RIMBP2: variants seen among roughly 807,000 people sequenced by gnomAD.
RIMBP2 encodes the protein RIMS binding protein 2.
In RIMBP2, 48 loss-of-function variants were observed where a neutral mutation model predicts 118.6. That is an observed-to-expected ratio of 0.40 (90% CI 0.32 to 0.51). RIMBP2 has a LOEUF of 0.51. Ranked by LOEUF, RIMBP2 falls within the 20% of genes least tolerant of loss-of-function variation. The pLI, the probability that RIMBP2 is intolerant of heterozygous loss-of-function variation, is 0.41. For missense variants in RIMBP2, 1,551 were observed against 1,768.3 expected, an observed-to-expected ratio of 0.88 and a Z score of 2.20; for synonymous variants, 762 against 742.9, an observed-to-expected ratio of 1.03 and a Z score of -0.42.
chr12:130,613,134 T>C (rs2060662933), intron 2 of RIMBP2, among the ~76,000 whole-genome samples: 1 of 152,188 alleles, frequency 6.6e-6, no homozygotes, highest in Non-Finnish European at 1.5e-5. Flanking sequence ...GTCGCATCTG[T>C]CAGAATCCAG....
intron 1 of RIMBP2, among the ~76,000 whole-genome samples, chr12:130,692,334 C>T (rs1267317166): frequency 6.6e-6 from 1 of 152,154 alleles, no homozygotes; most frequent in Non-Finnish European, 1.5e-5. Context: ...CTCTCCCCTA[C>T]CCCTTCCCTC....
intron 5 of RIMBP2, among the ~76,000 whole-genome samples, chr12:130,478,034 G>A (rs182186962): frequency 2.6e-5 from 4 of 152,326 alleles, no homozygotes; most frequent in Admixed American, 2.6e-4. Flanking sequence ...AAGCCCATAG[G>A]CTCCGGGAGC....
In RIMBP2 at chr12:130,689,365, G is replaced by A. The variant is rs187258967; in HGVS notation, c.-352+26857C>T. ...GGAGAATCGCTTGAACCCGGGAGGC[G>A]GAGGTTACAGTGAGCCAAGATCGCT... On this transcript the variant is annotated intron_variant, in intron 1 of 22. Transcript: ENST00000690449. 5.4e-3 allele frequency among the ~76,000 whole-genome samples: 822 copies of A among 152,254 alleles called. 10 individuals carry two copies. The highest frequency in any genetic ancestry group is 0.019 in the African/African-American group (781 of 41,538).
Position 130,434,620 on chromosome 12 carries a change from T to G in RIMBP2, c.2253+114A>C, listed in dbSNP as rs1383903902. 2 of 1,182,454 alleles carry G rather than the reference T, an allele frequency of 1.7e-6. No homozygotes were observed. The highest frequency in any genetic ancestry group is 5.0e-5 in the Admixed American group (2 of 39,746). The allele number at this position is 1,182,454 out of a possible 1,614,324, so 73.2% of individuals were successfully genotyped here. A position where few individuals can be genotyped will look rare whatever the true frequency, so the allele number is the denominator to read the frequency against. ...AGGACCCCAGCTGGGCGTCTCCATC[T>G]CTCTCAGGGACCCAAGGGTAGCGGG... is the stretch of plus-strand genomic sequence containing the variant. On this transcript the variant is annotated intron_variant, in intron 14 of 22. Coordinates refer to ENST00000690449, the MANE Select transcript of RIMBP2 (RefSeq NM_001393629.1). The surrounding 1 kb of genome is among the most constrained non-coding windows in gnomAD (Gnocchi z 5.7).
In RIMBP2 at chr12:130,442,133, C is replaced by T. The variant is rs762548266; in HGVS notation, c.1219G>A (p.Val407Met). The change falls in exon 11 of 23, where the codon GTG becomes ATG. Residue 407 changes from valine to methionine, a missense_variant. Physicochemically the swap from Val to Met is conservative, Grantham distance 21 (BLOSUM62 1). Coordinates refer to ENST00000690449, the MANE Select transcript of RIMBP2 (RefSeq NM_001393629.1). This position sits in a 1 kb window ranked among gnomAD's most constrained non-coding sequence, Gnocchi z 6.9. Reference sequence around the variant, plus strand: ...CGCAGGTGGGAGGGGGCCACCACCACGTCCTTGCCCACCAGCAGCGTGCAC... The same window carrying T: ...CGCAGGTGGGAGGGGGCCACCACCATGTCCTTGCCCACCAGCAGCGTGCAC... The part of the protein sequence containing the change: ...LQCTLLVGKD[V>M]VVAPSHLRVD... The T allele has an allele frequency of 6.8e-6, 11 of 1,614,064 alleles. No individual in the cohort carries two copies. The Admixed American group carries it at 1.2e-4, about 17-fold the overall frequency.
chr12:130,646,195 TTCCCTCTCC>T (rs1566422632), intron 1 of RIMBP2, among the ~76,000 whole-genome samples: 1 of 4,348 alleles, frequency 2.3e-4, no homozygotes, highest in African/African-American at 7.7e-4. Context: ...CCCTCACCAC[TTCCCTCTCC>T]ACCTCCCTCT....
chr12:130,530,596 C>T (rs185153335), intron 2 of RIMBP2, among the ~76,000 whole-genome samples: 45 of 152,318 alleles, frequency 3.0e-4, no homozygotes, highest in Admixed American at 1.9e-3. Flanking sequence ...TTGCCAGCTG[C>T]TAGTGCCTGA....
intron 2 of RIMBP2, among the ~76,000 whole-genome samples, chr12:130,552,438 A>G (rs1367146131): frequency 6.6e-6 from 1 of 152,264 alleles, no homozygotes; most frequent in Non-Finnish European, 1.5e-5. Flanking sequence ...AACTGCAATA[A>G]GTTAGGACAA....
chr12:130,526,118 T>A (rs1239011553), intron 2 of RIMBP2, among the ~76,000 whole-genome samples: 2 of 152,076 alleles, frequency 1.3e-5, no homozygotes, highest in Admixed American at 1.3e-4. Flanking sequence ...CTGGAAAGCC[T>A]GGGGTATCTT....
At chr12:130,457,040 C>A (rs1057207985) in intron 6 of RIMBP2, among the ~76,000 whole-genome samples, 5 of 152,154 alleles carry the variant, frequency 3.3e-5, no homozygotes, top group Admixed American at 2.0e-4. Flanking sequence ...CCCAGCCAAC[C>A]GTAGATTGTT....
rs898436062 is a variant in RIMBP2, at chr12:130,683,830, G to T, written c.-352+32392C>A. 6.6e-6 allele frequency among the ~76,000 whole-genome samples: 1 copy of T among 152,190 alleles called. No homozygotes were observed. Among genetic ancestry groups the T allele is most frequent in the African/African-American group, 2.4e-5 (1 of 41,436 alleles). ...CACCCCTTGTTTAGCATATAATTAA[G>T]AAATAACCATAAAAATAGGCAACCA... On this transcript the variant is annotated intron_variant, in intron 1 of 22. Transcript: ENST00000690449. This position sits in a 1 kb window ranked among gnomAD's most constrained non-coding sequence, Gnocchi z 4.4.
intron 4 of RIMBP2, 131 bp downstream of exon 4, chr12:130,506,517 C>T (rs1337704632): frequency 1.8e-5 from 11 of 600,716 alleles, no homozygotes; most frequent in Non-Finnish European, 2.1e-5. Context: ...ACAGCCCCAA[C>T]ATCTCTGAAT....
chr12:130,451,400 T>A, intron 7 of RIMBP2, 60 bp from the exon 8 acceptor site: 1 of 1,541,400 alleles, frequency 6.5e-7, no homozygotes, highest in Non-Finnish European at 8.8e-7. Context: ...TCAAAGCACG[T>A]TGGTCATGCG....
intron 1 of RIMBP2, among the ~76,000 whole-genome samples, chr12:130,655,667 A>C (rs2063397922): frequency 6.6e-6 from 1 of 152,246 alleles, no homozygotes; most frequent in African/African-American, 2.4e-5. Flanking sequence ...TCAATTATTC[A>C]AACATTCACA....
chr12:130,523,246 A>G lies in RIMBP2; in HGVS notation c.-216-5329T>C, dbSNP rs995647241. 3.9e-5 allele frequency among the ~76,000 whole-genome samples: 6 copies of G among 151,972 alleles called. No homozygotes were observed. The highest frequency in any genetic ancestry group is 1.4e-4 in the African/African-American group (6 of 41,430). ...CTCCATCTCTCTCTGTCCCCTACCC[A>G]CTACCTGGCCGTGTGAGGACACAGT... On this transcript the variant is annotated intron_variant, in intron 2 of 22. Coordinates refer to ENST00000690449, the MANE Select transcript of RIMBP2 (RefSeq NM_001393629.1). The surrounding 1 kb of genome is among the most constrained non-coding windows in gnomAD (Gnocchi z 4.4).
intron 2 of RIMBP2, among the ~76,000 whole-genome samples, chr12:130,538,634 T>C (rs1378255354): frequency 6.6e-6 from 1 of 152,172 alleles, no homozygotes; most frequent in Non-Finnish European, 1.5e-5. Flanking sequence ...TGAGCTATAA[T>C]AAGCAAGTAT....
chr12:130,659,290 G>A (rs1294424557), intron 1 of RIMBP2, among the ~76,000 whole-genome samples: 3 of 151,340 alleles, frequency 2.0e-5, no homozygotes, highest in East Asian at 3.9e-4. Context: ...TATTAATGTC[G>A]GCCGGGTGCG....
intron 6 of RIMBP2, among the ~76,000 whole-genome samples, chr12:130,460,734 C>T (rs372746843): frequency 8.5e-5 from 13 of 152,238 alleles, no homozygotes; most frequent in African/African-American, 3.1e-4. Flanking sequence ...AGAGTGGCAG[C>T]CAGCCACTGT....
chr12:130,654,461 T>C (rs1213002529), intron 1 of RIMBP2, among the ~76,000 whole-genome samples: 1 of 152,246 alleles, frequency 6.6e-6, no homozygotes, highest in African/African-American at 2.4e-5. Context: ...CACATCAGCC[T>C]GGACTTCACT....
Sources: allele counts gnomAD v4.1 joint callset (sites outside exome capture counted in the v4.1 genomes callset), GRCh38; gene constraint gnomAD v4.1.1; non-coding constraint Gnocchi (gnomAD v3.1); transcripts MANE v1.5; gene names NCBI Gene and HGNC (gene_info 2026-07-23, HGNC 2026-07-21).